Variants in LRRK2 observed in about 807,000 individuals in gnomAD.
LRRK2 encodes the protein leucine rich repeat kinase 2, also known as leucine-rich repeat serine/threonine-protein kinase 2.
A neutral mutation model predicts 302.6 loss-of-function variants in LRRK2; 203 were observed. That is an observed-to-expected ratio of 0.67 (90% CI 0.60 to 0.75). LRRK2 has a LOEUF of 0.75. Ranked by LOEUF, LRRK2 falls within the 30% of genes least tolerant of loss-of-function variation. The pLI is 0.00. For synonymous variants in LRRK2, 1,066 were observed against 1,031.9 expected (o/e 1.03, Z -0.63); for missense variants, 2,830 against 2,951.0 (o/e 0.96, Z 0.95).
At position 40,280,608 on chromosome 12, in the gene LRRK2, G is replaced by A. The variant is rs566031434; in HGVS notation, c.2241+2347G>A. Among the ~76,000 whole-genome samples the A allele has an allele frequency of 5.4e-4, 55 of 101,758 alleles. 1 individual carries two copies. In the South Asian group the frequency reaches 0.018, roughly 34 times the overall value. 66.8% of individuals were successfully genotyped at this position (101,758 alleles called of 152,430 possible). A position where few individuals can be genotyped will look rare whatever the true frequency, so the allele number is the denominator to read the frequency against. On this transcript the variant is annotated intron_variant, in intron 18 of 50. Transcript: ENST00000298910. Reference sequence around the variant, plus strand: ...CCATTGCACTCCAGCCTAGGCAACAGAGCCAGACCCTGTTAAAATAAAATA... The same window carrying A: ...CCATTGCACTCCAGCCTAGGCAACAAAGCCAGACCCTGTTAAAATAAAATA...
intron 6 of LRRK2, among the ~76,000 whole-genome samples, chr12:40,242,988 A>G (rs1941806605): frequency 6.6e-6 from 1 of 150,964 alleles, no homozygotes; most frequent in Non-Finnish European, 1.5e-5. Flanking sequence ...TATTCACCAC[A>G]TCTATTAAAA....
chr12:40,330,622 G>A (rs969058238), intron 39 of LRRK2, among the ~76,000 whole-genome samples: 5 of 151,474 alleles, frequency 3.3e-5, no homozygotes, highest in Non-Finnish European at 7.4e-5. Context: ...CATTTTTATT[G>A]ACAACTACTA....
intron 5 of LRRK2, among the ~76,000 whole-genome samples, chr12:40,239,393 G>A (rs1468793161): frequency 6.6e-6 from 1 of 152,126 alleles, no homozygotes; most frequent in Non-Finnish European, 1.5e-5. Context: ...AAAGTTTGAG[G>A]TTCTATTGTC....
rs12812837 is a variant in LRRK2 at position 40,353,059 on chromosome 12, C to G, written c.6577-1240C>G. ...GGCCGGGCAGAGGCGCCCCCCACCT[C>G]CCAGACGGGGCGGCGGCCGGGCGGG... On this transcript the variant is annotated intron_variant, in intron 44 of 50. Coordinates refer to ENST00000298910, the MANE Select transcript of LRRK2 (RefSeq NM_198578.4). 2.6e-5 allele frequency among the ~76,000 whole-genome samples: 4 copies of G among 151,874 alleles called. No individual in the cohort carries two copies. The East Asian group carries it at 7.7e-4, about 29-fold the overall frequency.
intron 19 of LRRK2, chr12:40,286,645 A>G (rs1943937271): frequency 6.6e-6 from 1 of 152,056 alleles, no homozygotes; most frequent in African/African-American, 2.4e-5. Context: ...ATCACTGGAT[A>G]TTGTACTACA....
In LRRK2 at chr12:40,314,157, C is replaced by A. The variant is rs139714137; in HGVS notation, c.4722C>A (p.His1574Gln). The A allele has an allele frequency of 1.2e-6, 2 of 1,612,340 alleles. No homozygotes were observed. Residue 1574 changes from histidine to glutamine, a missense_variant, in exon 32 of 51, where the codon CAC becomes CAA. Physicochemically the swap from His to Gln is conservative, Grantham distance 24. This residue lies in a region of LRRK2 where 2,121 missense variants were observed against 2,148.0 expected (regional missense o/e 0.99). Coordinates refer to ENST00000298910, the MANE Select transcript of LRRK2 (RefSeq NM_198578.4). Reference protein sequence around the residue: ...LDENELPHAVHFLNESGVLLH... With the variant: ...LDENELPHAVQFLNESGVLLH... ...AAAATGAGCTTCCTCACGCAGTTCA[C>A]TTTCTAAATGAATCAGGTTTGTGTT...
intron 47 of LRRK2, among the ~76,000 whole-genome samples, chr12:40,362,684 A>T (rs1025555324): frequency 2.6e-5 from 4 of 152,072 alleles, no homozygotes; most frequent in Non-Finnish European, 5.9e-5. Flanking sequence ...ATTTAAGTTC[A>T]TCCTCAAAGG....
At position 40,279,745 on chromosome 12, in the gene LRRK2, G is replaced by A. The variant is rs183747729; in HGVS notation, c.2241+1484G>A. Among the ~76,000 whole-genome samples, 8 of 152,098 alleles carry A rather than the reference G, an allele frequency of 5.3e-5. No individual in the cohort carries two copies. In the East Asian group the frequency reaches 1.2e-3, roughly 22 times the overall value. On this transcript the variant is annotated intron_variant, in intron 18 of 50. Coordinates refer to ENST00000298910, the MANE Select transcript of LRRK2 (RefSeq NM_198578.4). Reference sequence around the variant, plus strand: ...TTATTCCTCTTTCCATATTCTTTTGGACTTCATATGCTTAGTTTTATCTTT... The same window carrying A: ...TTATTCCTCTTTCCATATTCTTTTGAACTTCATATGCTTAGTTTTATCTTT...
chr12:40,285,456 G>A (rs1052970591), intron 19 of LRRK2, among the ~76,000 whole-genome samples: 1 of 151,946 alleles, frequency 6.6e-6, no homozygotes, highest in East Asian at 1.9e-4. Context: ...TGATAAGCAT[G>A]TGTGGAAACA....
At position 40,332,923 on chromosome 12, in the gene LRRK2, TA is replaced by T. The variant is rs1202255690; in HGVS notation, c.5758-2035del. Reference sequence around the variant, plus strand: ...AAACTAAGGGAATGGTGGAAGAAATTAAAAAAAAAGGGGTGTGCATAATGTG... The same window carrying T: ...AAACTAAGGGAATGGTGGAAGAAATTAAAAAAAAGGGGTGTGCATAATGTG... On this transcript the variant is annotated intron_variant, in intron 39 of 50. Coordinates refer to ENST00000298910, the MANE Select transcript of LRRK2 (RefSeq NM_198578.4). Among the ~76,000 whole-genome samples, 8 of 121,930 alleles carry T rather than the reference TA, an allele frequency of 6.6e-5. No individual in the cohort carries two copies. The South Asian group carries it at 7.3e-4, about 11-fold the overall frequency. 80.0% of individuals were successfully genotyped at this position (121,930 alleles called of 152,430 possible).
In LRRK2 at chr12:40,306,015, T is replaced by A. The variant is rs768583267; in HGVS notation, c.3959+49T>A. The A allele has an allele frequency of 2.8e-6, 4 of 1,421,292 alleles. No homozygotes were observed. In the South Asian group the frequency reaches 4.8e-5, roughly 17 times the overall value. 88.0% of individuals were successfully genotyped at this position (1,421,292 alleles called of 1,614,324 possible). On this transcript the variant is annotated intron_variant, in intron 28 of 50. Transcript: ENST00000298910. ...GTTTTACTAAATTTATTTCAGATTT[T>A]CTACTCTCTGTGACTTTGATGGACA...
chr12:40,242,578 G>A (rs1462730609), intron 6 of LRRK2, among the ~76,000 whole-genome samples: 2 of 151,506 alleles, frequency 1.3e-5, no homozygotes, highest in Non-Finnish European at 2.9e-5. Flanking sequence ...TTGCTGCCTT[G>A]TACATTGGTT....
At chr12:40,333,516 C>A (rs1945776923) in intron 39 of LRRK2, among the ~76,000 whole-genome samples, 1 of 152,052 alleles carries the variant, frequency 6.6e-6, no homozygotes, top group Non-Finnish European at 1.5e-5. Flanking sequence ...TCAAGCCCAA[C>A]AATGTCATAA....
intron 47 of LRRK2, among the ~76,000 whole-genome samples, chr12:40,362,840 A>C (rs754770789): frequency 2.0e-5 from 3 of 152,050 alleles, no homozygotes; most frequent in African/African-American, 4.8e-5. Context: ...AAAATGGCAA[A>C]TATTTTACTT....
chr12:40,330,020 A>C (rs1348446405), intron 39 of LRRK2, among the ~76,000 whole-genome samples: 1 of 152,238 alleles, frequency 6.6e-6, no homozygotes, highest in Non-Finnish European at 1.5e-5. Flanking sequence ...CTCATTCAGC[A>C]CATGACTTAC....
Position 40,225,160 on chromosome 12 carries a change from A to C in LRRK2, c.29A>C (p.Glu10Ala), listed in dbSNP as rs759670012. ...GCTAGTGGCAGCTGTCAGGGGTGCG[A>C]AGAGGACGAGGAAACTCTGAAGAAG... Reference protein sequence around the residue: MASGSCQGCEEDEETLKKLI... With the variant: MASGSCQGCAEDEETLKKLI... The change falls in exon 1 of 51, where the codon GAA becomes GCA. Residue 10 changes from glutamate (E) to alanine (A), a missense_variant. Transcript: ENST00000298910. The C allele has an allele frequency of 1.2e-6, 2 of 1,614,072 alleles. No homozygotes were observed. The highest frequency in any genetic ancestry group is 3.3e-5 in the Admixed American group (2 of 60,020).
chr12:40,327,385 A>C (rs1945586528), intron 38 of LRRK2, among the ~76,000 whole-genome samples: 1 of 152,230 alleles, frequency 6.6e-6, no homozygotes, highest in Admixed American at 6.5e-5. Flanking sequence ...AAAAAATCTA[A>C]TGACCATTTC....
At position 40,251,281 on chromosome 12, in the gene LRRK2, A is replaced by G. The variant is rs199981130; in HGVS notation, c.1008A>G (p.Gln336=). 6.2e-7 allele frequency: 1 copy of G among 1,611,440 alleles called. No individual in the cohort carries two copies. The highest frequency in any genetic ancestry group is 1.3e-5 in the African/African-American group (1 of 74,836). The change falls in exon 9 of 51, where the codon CAA becomes CAG. Residue 336 remains glutamine (Q), a synonymous_variant. Transcript: ENST00000298910. Reference sequence around the variant, plus strand: ...ATTTAGAGGAAAAGAATGAGAATCAAGAGAATGATGATGAGGGGGAAGAAG... The same window carrying G: ...ATTTAGAGGAAAAGAATGAGAATCAGGAGAATGATGATGAGGGGGAAGAAG... The part of the protein sequence containing the change: ...NQDLEEKNEN[Q]ENDDEGEEDK...
chr12:40,253,488 T>C (rs376287165), intron 11 of LRRK2, among the ~76,000 whole-genome samples: 1 of 152,128 alleles, frequency 6.6e-6, no homozygotes, highest in African/African-American at 2.4e-5. Flanking sequence ...TGGACTCAGG[T>C]GATGCTCCCA....
Sources: allele counts gnomAD v4.1 joint callset (sites outside exome capture counted in the v4.1 genomes callset), GRCh38; gene constraint gnomAD v4.1.1; regional missense constraint gnomAD v4.1.1; transcripts MANE v1.5; gene names NCBI Gene and HGNC (gene_info 2026-07-23, HGNC 2026-07-21).